ROBO2: variants seen among roughly 807,000 people sequenced by gnomAD.
ROBO2 encodes roundabout guidance receptor 2, also known as roundabout homolog 2.
A neutral mutation model predicts 160.8 loss-of-function variants in ROBO2; 53 were observed. The observed-to-expected ratio is 0.33, with a 90% CI of 0.26 to 0.41. The LOEUF is 0.41. Among genes scored for constraint, ROBO2 ranks in the 10% least tolerant of loss-of-function variants. The pLI is 1.00. For missense variants in ROBO2, 1,577 were observed against 1,722.4 expected, an observed-to-expected ratio of 0.92 and a Z score of 1.49; for synonymous variants, 664 against 611.7, an observed-to-expected ratio of 1.09 and a Z score of -1.26.
intron 5 of ROBO2, among the ~76,000 whole-genome samples, chr3:77,502,761 A>G (rs2087807266): frequency 6.6e-6 from 1 of 152,216 alleles, no homozygotes. Context: ...ACGATGATTT[A>G]AAGTTGCAGG....
chr3:76,280,370 T>A (rs1044475064), intron 2 of ROBO2, among the ~76,000 whole-genome samples: 2 of 152,000 alleles, frequency 1.3e-5, no homozygotes, highest in African/African-American at 4.8e-5. Context: ...AGCATTAAAC[T>A]GTGGCCTTCT....
chr3:76,881,040 G>A (rs1274050438), intron 2 of ROBO2, among the ~76,000 whole-genome samples: 2 of 152,022 alleles, frequency 1.3e-5, no homozygotes, highest in Non-Finnish European at 2.9e-5. Context: ...TTTGTTCGAG[G>A]GCCATTAGCT....
intron 2 of ROBO2, among the ~76,000 whole-genome samples, chr3:76,444,028 C>T (rs2077051380): frequency 6.6e-6 from 1 of 152,176 alleles, no homozygotes; most frequent in East Asian, 1.9e-4. Context: ...TGCAGTGGCA[C>T]AATCTTGGCT....
rs1359754732 is a variant in ROBO2 at position 77,595,962 on chromosome 3, A to G, written c.2727-661A>G. 2.0e-5 allele frequency among the ~76,000 whole-genome samples: 3 copies of G among 152,170 alleles called. No homozygotes were observed. In the East Asian group the frequency reaches 5.8e-4, roughly 29 times the overall value. ...ATCAGAATCTCATCTTTTATATTAAAGAAGGAAGTTCTTTACTAAATATGA... is the reference window on the plus strand; with the variant it reads ...ATCAGAATCTCATCTTTTATATTAAGGAAGGAAGTTCTTTACTAAATATGA... On this transcript the variant is annotated intron_variant, in intron 18 of 25. Transcript: ENST00000461745.
chr3:76,640,600 T>A (rs879881171), intron 2 of ROBO2, among the ~76,000 whole-genome samples: 3 of 87,834 alleles, frequency 3.4e-5, no homozygotes, highest in Non-Finnish European at 7.8e-5. Context: ...CGTGTGAGTG[T>A]GTGTGTGTGT....
At chr3:76,338,995 T>A (rs1045676050) in intron 2 of ROBO2, among the ~76,000 whole-genome samples, 1 of 152,152 alleles carries the variant, frequency 6.6e-6, no homozygotes, top group Non-Finnish European at 1.5e-5. Flanking sequence ...AAAATCTAAC[T>A]GTGCAAATAA....
At position 75,910,954 on chromosome 3, in the gene ROBO2, T is replaced by C. The variant is rs185389279; in HGVS notation, c.-14+3994T>C. Among the ~76,000 whole-genome samples, 1,141 of 151,900 alleles carry C rather than the reference T, an allele frequency of 7.5e-3. 13 individuals are homozygous for C. The highest frequency in any genetic ancestry group is 7.3e-3 in the Non-Finnish European group (494 of 67,904). On this transcript the variant is annotated intron_variant, in intron 1 of 26. Transcript: ENST00000487694. The stretch of plus-strand genomic sequence containing the variant: ...TAAAACCTTAAATAATATTTAAATA[T>C]TATAAAAGTTATAGAAAATTATGTT...
At chr3:77,540,928 A>C (rs1356082362) in intron 6 of ROBO2, among the ~76,000 whole-genome samples, 1 of 152,186 alleles carries the variant, frequency 6.6e-6, no homozygotes, top group African/African-American at 2.4e-5. Flanking sequence ...CCATTCTACT[A>C]AACAGTTTGT....
At chr3:76,170,973 C>T (rs1302974972) in intron 2 of ROBO2, among the ~76,000 whole-genome samples, 2 of 152,138 alleles carry the variant, frequency 1.3e-5, no homozygotes, top group Admixed American at 6.6e-5. Flanking sequence ...GCTATATGCA[C>T]ATTCATTTAT....
rs1443177894 is a variant in ROBO2, at chr3:77,619,708, C to G, written c.3554+1935C>G. ...GTGACACCATGCAACTCCAAGCCCCCCCATAATCATATTGCGATGCTTTTT... is the reference window on the plus strand; with the variant it reads ...GTGACACCATGCAACTCCAAGCCCCGCCATAATCATATTGCGATGCTTTTT... On this transcript the variant is annotated intron_variant, in intron 22 of 25. Transcript: ENST00000461745. 2.6e-5 allele frequency among the ~76,000 whole-genome samples: 4 copies of G among 152,164 alleles called. 1 individual carries two copies. Among genetic ancestry groups the G allele is most frequent in the South Asian group, 4.1e-4 (2 of 4,832 alleles).
intron 5 of ROBO2, among the ~76,000 whole-genome samples, chr3:77,493,989 C>T (rs140149042): frequency 0.018 from 2,692 of 152,222 alleles, 74 homozygotes; most frequent in African/African-American, 0.059. Context: ...TCACAAAACC[C>T]CCAAACCCAA....
At chr3:76,305,858 C>CA (rs887507277) in intron 2 of ROBO2, among the ~76,000 whole-genome samples, 2 of 150,082 alleles carry the variant, frequency 1.3e-5, no homozygotes, top group African/African-American at 2.4e-5. Flanking sequence ...AAAAAAAAAA[C>CA]AAAAAAACAT....
At chr3:75,975,805 C>T (rs950566361) in intron 2 of ROBO2, among the ~76,000 whole-genome samples, 1 of 151,476 alleles carries the variant, frequency 6.6e-6, no homozygotes, top group Non-Finnish European at 1.5e-5. Flanking sequence ...AACTAAACAA[C>T]AAAATCCCAT....
At chr3:76,834,110 CTT>C (rs1178772595) in intron 2 of ROBO2, among the ~76,000 whole-genome samples, 28 of 126,922 alleles carry the variant, frequency 2.2e-4, no homozygotes, top group African/African-American at 7.7e-4. Flanking sequence ...TTCTTTCTTT[CTT>C]TCTCTCTGTC....
chr3:77,277,234 T>TA (rs1553883074), intron 2 of ROBO2, among the ~76,000 whole-genome samples: 1 of 63,358 alleles, frequency 1.6e-5, no homozygotes, highest in Non-Finnish European at 4.9e-5. Flanking sequence ...TTTCTTGTCT[T>TA]TCTTTCTTTC....
At position 76,891,057 on chromosome 3, in the gene ROBO2, A is replaced by C. The variant is rs143747002; in HGVS notation, c.110-206957A>C. Among the ~76,000 whole-genome samples the C allele has an allele frequency of 1.6e-4, 24 of 152,308 alleles. No individual in the cohort carries two copies. In the East Asian group the frequency reaches 4.6e-3, roughly 29 times the overall value. ...TGTTGTCAAGTGCTTTTTCAGCTTC[A>C]AAATCTCATGATTTATTATTTCACT... On this transcript the variant is annotated intron_variant, in intron 2 of 26. Transcript: ENST00000487694.
intron 2 of ROBO2, among the ~76,000 whole-genome samples, chr3:76,905,152 A>G (rs1168594734): frequency 6.6e-6 from 1 of 152,068 alleles, no homozygotes; most frequent in Admixed American, 6.6e-5. Flanking sequence ...AACGAGTGGG[A>G]GTATATTGAG....
At chr3:75,932,605 G>A (rs1179454737) in intron 1 of ROBO2, among the ~76,000 whole-genome samples, 5 of 152,170 alleles carry the variant, frequency 3.3e-5, no homozygotes, top group African/African-American at 1.2e-4. Flanking sequence ...CACTTTGGGA[G>A]GGAGAAGTGC....
At chr3:76,257,294 A>ATGTG (rs1491334858) in intron 2 of ROBO2, among the ~76,000 whole-genome samples, 3 of 145,578 alleles carry the variant, frequency 2.1e-5, no homozygotes, top group African/African-American at 7.8e-5. Flanking sequence ...ACACACGTGC[A>ATGTG]TATGTGTGTG....
Sources: gnomAD v4.1 joint callset for allele counts (sites outside exome capture counted in the v4.1 genomes callset) on GRCh38, gnomAD v4.1.1 for gene constraint, MANE v1.5 for transcripts, NCBI Gene and HGNC (gene_info 2026-07-23, HGNC 2026-07-21) for gene names.